Variants in NDUFAF7 observed in about 807,000 individuals in gnomAD.
NDUFAF7 encodes NADH:ubiquinone oxidoreductase complex assembly factor 7.
A neutral mutation model predicts 47.2 loss-of-function variants in NDUFAF7; 48 were observed. The ratio of observed to expected loss-of-function variants is 1.02; its 90% CI spans 0.81 to 1.29. The LOEUF (loss-of-function observed/expected upper bound fraction) is 1.29. Among genes scored for constraint, NDUFAF7 ranks in the 50% most tolerant of loss-of-function variants. NDUFAF7 has a pLI of 0.00. For missense variants in NDUFAF7, 635 were observed against 537.6 expected, an observed-to-expected ratio of 1.18 and a Z score of -1.79; for synonymous variants, 217 against 190.0, an observed-to-expected ratio of 1.14 and a Z score of -1.17.
downstream of NDUFAF7, among the ~76,000 whole-genome samples, chr2:37,254,872 G>A (rs181210327): frequency 3.9e-5 from 6 of 152,232 alleles, no homozygotes; most frequent in East Asian, 1.2e-3. Context: ...AGGTTTCAGG[G>A]TGTTTTAGTG....
the NDUFAF7 span, among the ~76,000 whole-genome samples, chr2:37,266,040 T>A: frequency 2.6e-5 from 4 of 152,154 alleles, no homozygotes. Context: ...GACAACATAT[T>A]CATACTATTC....
At chr2:37,267,582 T>TGTCAG in the NDUFAF7 span, 1 of 1,350,502 alleles carries the variant, frequency 7.4e-7, no homozygotes, top group Non-Finnish European at 1.1e-6. Context: ...AACTGACAGC[T>TGTCAG]TTATTAGGGA....
chr2:37,241,569 G>A lies in NDUFAF7; in HGVS notation c.409-9G>A. On this transcript the variant is annotated splice_polypyrimidine_tract_variant and intron_variant, in intron 4 of 9. Coordinates refer to ENST00000002125, the MANE Select transcript of NDUFAF7 (RefSeq NM_144736.5). ...ACATTGTATTTTTTTTTCTTCTTTTGGTATTTAGGTGTTCACTCAACTTGG... is the reference window on the plus strand; with the variant it reads ...ACATTGTATTTTTTTTTCTTCTTTTAGTATTTAGGTGTTCACTCAACTTGG... The A allele has an allele frequency of 6.2e-7, 1 of 1,602,668 alleles. No homozygotes were observed. The highest frequency in any genetic ancestry group is 8.5e-7 in the Non-Finnish European group (1 of 1,173,308).
At chr2:37,253,220 A>C, downstream of NDUFAF7, 13 of 1,612,044 alleles carry the variant, frequency 8.1e-6, no homozygotes, top group Non-Finnish European at 1.1e-5. Flanking sequence ...AGCCATAATG[A>C]AGTGCTTTGG....
chr2:37,253,019 C>A, downstream of NDUFAF7: 1 of 627,708 alleles, frequency 1.6e-6, no homozygotes, highest in Non-Finnish European at 2.4e-6. Flanking sequence ...CCCGCCTGTA[C>A]CTACTCATTA....
intron 9 of NDUFAF7, 55 bp downstream of exon 9, chr2:37,247,684 T>TA: frequency 6.3e-7 from 1 of 1,588,896 alleles, no homozygotes; most frequent in Non-Finnish European, 8.6e-7. Flanking sequence ...TTTCAAAAAT[T>TA]ACTTTAAATA....
intron 3 of NDUFAF7, among the ~76,000 whole-genome samples, 189 bp downstream of exon 3, chr2:37,236,365 A>G (rs1665752399): frequency 6.6e-6 from 1 of 152,160 alleles, no homozygotes; most frequent in African/African-American, 2.4e-5. Context: ...AGAATATTTG[A>G]AAAGTTTATA....
chr2:37,233,995 A>G lies in NDUFAF7; in HGVS notation c.216+1729A>G, dbSNP rs144899812. 2.2e-3 allele frequency among the ~76,000 whole-genome samples: 342 copies of G among 152,328 alleles called. 1 individual carries two copies. The highest frequency in any genetic ancestry group is 3.7e-3 in the Non-Finnish European group (255 of 68,022). On this transcript the variant is annotated intron_variant, in intron 2 of 9. Transcript: ENST00000002125. ...GAAATCATTGGTATTTCCTTATCAC[A>G]ATACAGTGATCACAGGCATCTCAGG...
At chr2:37,259,728 T>A in the NDUFAF7 span, 2 of 1,330,762 alleles carry the variant, frequency 1.5e-6, no homozygotes, top group Non-Finnish European at 2.2e-6. Flanking sequence ...AAATCACAAG[T>A]AAACCTCATG....
At chr2:37,258,149 A>T (rs547320797), downstream of NDUFAF7, among the ~76,000 whole-genome samples, 1 of 152,346 alleles carries the variant, frequency 6.6e-6, no homozygotes, top group Non-Finnish European at 1.5e-5. Flanking sequence ...ATATAAATTG[A>T]GAGGAAAAAG....
At position 37,241,771 on chromosome 2, in the gene NDUFAF7, A is replaced by G. The variant is rs1175203835; in HGVS notation, c.602A>G (p.Asp201Gly). Residue 201 changes from aspartate to glycine, a missense_variant, in exon 5 of 10, where the codon GAT becomes GGT. Coordinates refer to ENST00000002125, the MANE Select transcript of NDUFAF7 (RefSeq NM_144736.5). ...KSGIPISWYR[D>G]LHDVPKGYSF... ...GGGATTCCAATTTCCTGGTACCGAG[A>G]TCTGCACGATGTTCCAAAAGGTAAT... The G allele has an allele frequency of 6.2e-7, 1 of 1,613,726 alleles. No homozygotes were observed. Among genetic ancestry groups the G allele is most frequent in the South Asian group, 1.1e-5 (1 of 91,070 alleles).
chr2:37,235,056 A>C (rs1244313183), intron 2 of NDUFAF7, among the ~76,000 whole-genome samples: 1 of 152,170 alleles, frequency 6.6e-6, no homozygotes, highest in African/African-American at 2.4e-5. Context: ...GCAAACAACT[A>C]TACTTTGTGG....
chr2:37,257,003 C>A (rs944217384), downstream of NDUFAF7: 6 of 1,459,584 alleles, frequency 4.1e-6, no homozygotes, highest in Admixed American at 1.1e-4. Context: ...AAATATAACA[C>A]TGTATGTATC....
At chr2:37,241,989 A>G in intron 5 of NDUFAF7, 198 bp downstream of exon 5, 1 of 592,888 alleles carries the variant, frequency 1.7e-6, no homozygotes, top group Non-Finnish European at 3.0e-6. Context: ...GTAGTAGTTT[A>G]TTTCATGAAG....
downstream of NDUFAF7, chr2:37,250,918 T>C (rs1667436513): frequency 1.3e-5 from 2 of 152,662 alleles, no homozygotes; most frequent in Admixed American, 6.5e-5. Flanking sequence ...ATCATTCAAC[T>C]CCAGATTCTC....
chr2:37,261,871 C>A, the NDUFAF7 span, among the ~76,000 whole-genome samples: 1 of 152,216 alleles, frequency 6.6e-6, no homozygotes, highest in Non-Finnish European at 1.5e-5. Flanking sequence ...GGTATGCATT[C>A]ATTCAGTAAA....
downstream of NDUFAF7, chr2:37,254,193 T>A (rs1376819070): frequency 1.4e-6 from 2 of 1,426,492 alleles, no homozygotes; most frequent in South Asian, 2.4e-5. Context: ...AGAGATTACA[T>A]TTTTTTTTAC....
chr2:37,237,650 A>G (rs1665935351), intron 3 of NDUFAF7, 107 bp from the exon 4 acceptor site: 5 of 785,460 alleles, frequency 6.4e-6, no homozygotes, highest in South Asian at 6.1e-5. Context: ...GGCTGTACAC[A>G]TTTTGCTTTT....
chr2:37,249,588 CACACACACACACACAGAG>C (rs1328398719), downstream of NDUFAF7, among the ~76,000 whole-genome samples: 606 of 136,198 alleles, frequency 4.4e-3, 11 homozygotes, highest in African/African-American at 0.017. Flanking sequence ...CACACACACA[CACACACACACACACAGAG>C]GGGAGATCGC....
Sources: gnomAD v4.1 joint callset for allele counts (sites outside exome capture counted in the v4.1 genomes callset) on GRCh38, gnomAD v4.1.1 for gene constraint, MANE v1.5 for transcripts, NCBI Gene and HGNC (gene_info 2026-07-23, HGNC 2026-07-21) for gene names.